SS18L2: variants seen among roughly 807,000 people sequenced by gnomAD.
SS18L2 encodes SS18-like protein 2.
A neutral mutation model predicts 10.3 loss-of-function variants in SS18L2; 8 were observed. That is an observed-to-expected ratio of 0.78 (90% CI 0.46 to 1.41). The LOEUF (loss-of-function observed/expected upper bound fraction) is 1.41, where lower values mean the gene tolerates loss of function less well. Among genes scored for constraint, SS18L2 ranks in the 40% most tolerant of loss-of-function variants. The pLI is 0.00. For missense variants in SS18L2, 100 were observed against 96.2 expected (o/e 1.04, Z -0.17); for synonymous variants, 41 against 34.6 (o/e 1.19, Z -0.65).
chr3:42,594,289 A>G (rs1704961949), intron 2 of SS18L2, 133 bp from the exon 3 acceptor site: 1 of 656,620 alleles, frequency 1.5e-6, no homozygotes. Flanking sequence ...ATGTTAAACA[A>G]GAAGGTTGAT....
At chr3:42,594,058 A>G (rs1704953483) in intron 2 of SS18L2, among the ~76,000 whole-genome samples, 1 of 152,310 alleles carries the variant, frequency 6.6e-6, no homozygotes, top group Admixed American at 6.5e-5. Context: ...CTTTACCTGA[A>G]TGAGATGGGA....
chr3:42,590,977 A>G lies in SS18L2; in HGVS notation c.69+11A>G, dbSNP rs768706056. ...GAGACTATCCAGCGGGTGAGCATCC[A>G]CGCGGGCGGGCGGGCGGGCGGAGAG... On this transcript the variant is annotated intron_variant, in intron 1 of 2. Coordinates refer to ENST00000011691, the MANE Select transcript of SS18L2 (RefSeq NM_001370300.1). The G allele has an allele frequency of 2.1e-5, 8 of 374,390 alleles. No homozygotes were observed. The highest frequency in any genetic ancestry group is 4.3e-5 in the Non-Finnish European group (8 of 184,492). 23.2% of individuals were successfully genotyped at this position (374,390 alleles called of 1,614,324 possible).
upstream of SS18L2, among the ~76,000 whole-genome samples, chr3:42,588,533 T>A (rs1344721047): frequency 6.6e-6 from 1 of 152,242 alleles, no homozygotes; most frequent in Non-Finnish European, 1.5e-5. Context: ...GACAGATCTT[T>A]GTGTGTATAT....
chr3:42,585,729 C>T (rs1188069052), intron 1 of SS18L2, among the ~76,000 whole-genome samples: 2 of 152,194 alleles, frequency 1.3e-5, no homozygotes, highest in Non-Finnish European at 2.9e-5. Context: ...AAGAATCCAA[C>T]CTTCTGTCTT....
Position 42,594,653 on chromosome 3 carries a change from C to G in SS18L2, c.*144C>G. ...TGAAACCTCTGTGGCTCTTTCGAAA[C>G]GTGAAAATGTGAAGAAAGCTACTAA... On this transcript the variant is annotated 3_prime_UTR_variant, in exon 3 of 3. Coordinates refer to ENST00000011691, the MANE Select transcript of SS18L2 (RefSeq NM_001370300.1). 1.7e-6 allele frequency: 1 copy of G among 603,860 alleles called. No individual in the cohort carries two copies. The highest frequency in any genetic ancestry group is 2.9e-6 in the Non-Finnish European group (1 of 350,772). The allele number at this position is 603,860 out of a possible 1,614,324, so 37.4% of individuals were successfully genotyped here. A position where few individuals can be genotyped will look rare whatever the true frequency, so the allele number is the denominator to read the frequency against.
chr3:42,591,593 G>A lies in SS18L2; in HGVS notation c.138G>A (p.Glu46=). The A allele has an allele frequency of 1.9e-6, 3 of 1,612,776 alleles. No individual in the cohort carries two copies. Among genetic ancestry groups the A allele is most frequent in the Non-Finnish European group, 2.5e-6 (3 of 1,178,770 alleles). ...VEYQNKGRGN[E]CVQYQHVLHR... Reference sequence around the variant, plus strand: ...ATCAGAACAAGGGCCGCGGGAACGAGTGCGTGCAGTAAGTACCCCCACCCC... The same window carrying A: ...ATCAGAACAAGGGCCGCGGGAACGAATGCGTGCAGTAAGTACCCCCACCCC... Residue 46 remains glutamate, a synonymous_variant, in exon 2 of 3, where the codon GAG becomes GAA. Coordinates refer to ENST00000011691, the MANE Select transcript of SS18L2 (RefSeq NM_001370300.1).
intron 1 of SS18L2, chr3:42,582,175 C>T (rs1467073467): frequency 1.3e-5 from 2 of 152,218 alleles, no homozygotes; most frequent in Admixed American, 6.5e-5. Flanking sequence ...AACTTTCTTC[C>T]CACCTCCCGG....
chr3:42,590,655 G>A (rs1183897441), upstream of SS18L2, among the ~76,000 whole-genome samples: 1 of 151,926 alleles, frequency 6.6e-6, no homozygotes, highest in Non-Finnish European at 1.5e-5. Context: ...AGTAGACCCA[G>A]CCCCAACCCA....
In SS18L2 at chr3:42,594,548, C is replaced by T. The variant is rs1180420532; in HGVS notation, c.*39C>T. 4.5e-6 allele frequency: 7 copies of T among 1,543,050 alleles called. No individual in the cohort carries two copies. The highest frequency in any genetic ancestry group is 3.8e-4 in the Middle Eastern group (2 of 5,308). On this transcript the variant is annotated 3_prime_UTR_variant, in exon 3 of 3. Coordinates refer to ENST00000011691, the MANE Select transcript of SS18L2 (RefSeq NM_001370300.1). The stretch of plus-strand genomic sequence containing the variant: ...ATAGAATAATCTTCCATTTGGCTGT[C>T]GTGAGGAGTAATTGAATGTAATCCA...
intron 1 of SS18L2, among the ~76,000 whole-genome samples, chr3:42,583,633 G>A (rs1289787478): frequency 1.3e-5 from 2 of 152,164 alleles, no homozygotes; most frequent in Non-Finnish European, 2.9e-5. Context: ...TTCTGGGTAT[G>A]TCTATGAGGG....
intron 2 of SS18L2, among the ~76,000 whole-genome samples, 162 bp downstream of exon 2, chr3:42,591,763 CATACAACGA>C (rs1254331778): frequency 6.6e-6 from 1 of 152,210 alleles, no homozygotes; most frequent in African/African-American, 2.4e-5. Context: ...TGCCCAAGAC[CATACAACGA>C]GTACACTGCG....
rs1704970654 is a variant in SS18L2, at chr3:42,594,517, A to G, written c.*8A>G. On this transcript the variant is annotated 3_prime_UTR_variant, in exon 3 of 3. Transcript: ENST00000011691. ...TCAAAAGCAATGGAATAATCTTTCA[A>G]AAGCAATAGAATAATCTTCCATTTG... The G allele has an allele frequency of 6.2e-7, 1 of 1,609,552 alleles. No homozygotes were observed. Among genetic ancestry groups the G allele is most frequent in the African/African-American group, 1.3e-5 (1 of 74,834 alleles).
chr3:42,585,850 C>G (rs1326835104), intron 1 of SS18L2, among the ~76,000 whole-genome samples: 1 of 152,154 alleles, frequency 6.6e-6, no homozygotes, highest in Non-Finnish European at 1.5e-5. Context: ...CCTTTCAGCG[C>G]TCCTATTTGC....
In SS18L2 at chr3:42,593,428, A is replaced by T. The variant is rs1226816711; in HGVS notation, c.147-994A>T. On this transcript the variant is annotated intron_variant, in intron 2 of 2. Transcript: ENST00000011691. ...CAAGACTCCGTCTCAATAAATAAAT[A>T]AATTAAAGTATATGATATGGAAGGC... Among the ~76,000 whole-genome samples the T allele has an allele frequency of 2.6e-5, 4 of 152,174 alleles. No homozygotes were observed. The East Asian group carries it at 7.7e-4, about 29-fold the overall frequency.
At chr3:42,582,176 C>A (rs1425900002) in intron 1 of SS18L2, 1 of 152,256 alleles carries the variant, frequency 6.6e-6, no homozygotes, top group Non-Finnish European at 1.5e-5. Flanking sequence ...ACTTTCTTCC[C>A]ACCTCCCGGC....
At position 42,596,018 on chromosome 3, in the gene SS18L2, T is replaced by C. The variant is rs149977800; in HGVS notation, c.*1509T>C. 3.5e-4 allele frequency among the ~76,000 whole-genome samples: 53 copies of C among 152,068 alleles called. No homozygotes were observed. The East Asian group carries it at 9.7e-3, about 28-fold the overall frequency. On this transcript the variant is annotated 3_prime_UTR_variant, in exon 3 of 3. Coordinates refer to ENST00000011691, the MANE Select transcript of SS18L2 (RefSeq NM_001370300.1). ...CTTTTTCTTCTTTTTTTTGGTTTTG[T>C]TTTGTTTTGTTTTTGTTTTTGTTTT...
At chr3:42,591,444 C>T (rs1704836424) in intron 1 of SS18L2, 81 bp from the exon 2 acceptor site, 16 of 982,214 alleles carry the variant, frequency 1.6e-5, no homozygotes, top group Non-Finnish European at 2.6e-5. Context: ...CCGCCTAGAT[C>T]GGCCTCCCAA....
intron 1 of SS18L2, among the ~76,000 whole-genome samples, chr3:42,583,218 C>T (rs1388953291): frequency 6.6e-6 from 1 of 152,184 alleles, no homozygotes; most frequent in Non-Finnish European, 1.5e-5. Flanking sequence ...GAAGTCTCAA[C>T]AGAGCTATGG....
intron 1 of SS18L2, among the ~76,000 whole-genome samples, chr3:42,583,681 G>A (rs1704510049): frequency 6.6e-6 from 1 of 152,188 alleles, no homozygotes; most frequent in Non-Finnish European, 1.5e-5. Flanking sequence ...TCAATGGACT[G>A]AGTAAGGAAG....
Sources: gnomAD v4.1 joint callset for allele counts (sites outside exome capture counted in the v4.1 genomes callset) on GRCh38, gnomAD v4.1.1 for gene constraint, MANE v1.5 for transcripts, NCBI Gene and HGNC (gene_info 2026-07-23, HGNC 2026-07-21) for gene names.